The following PMEPA1 variants were observed in gnomAD, a reference collection of about 807,000 sequenced individuals.
PMEPA1 encodes the protein prostate transmembrane protein, androgen induced 1.
Under a neutral mutation model 23.0 loss-of-function variants are expected in PMEPA1, and 11 were observed. The observed-to-expected ratio is 0.48, with a 90% CI of 0.30 to 0.79. The LOEUF is 0.79. Ranked by LOEUF, PMEPA1 falls within the 30% of genes least tolerant of loss-of-function variation. PMEPA1 has a pLI of 0.06. For missense variants in PMEPA1, 377 were observed against 390.9 expected (o/e 0.96, Z 0.30); for synonymous variants, 204 against 166.4 (o/e 1.23, Z -1.74).
chr20:57,664,689 G>A (rs578059886), intron 1 of PMEPA1, among the ~76,000 whole-genome samples: 15 of 152,326 alleles, frequency 9.8e-5, no homozygotes, highest in African/African-American at 3.4e-4. Flanking sequence ...CTGCCAACGC[G>A]AGGCGGAAGG....
chr20:57,685,792 A>T (rs2071793524), intron 1 of PMEPA1, among the ~76,000 whole-genome samples: 1 of 152,120 alleles, frequency 6.6e-6, no homozygotes, highest in Non-Finnish European at 1.5e-5. Flanking sequence ...AGCACTGTTC[A>T]CTTAAAGGGG....
intron 2 of PMEPA1, 78 bp from the exon 3 acceptor site, chr20:57,653,164 C>CT: frequency 8.3e-7 from 1 of 1,203,556 alleles, no homozygotes; most frequent in Non-Finnish European, 1.2e-6. Flanking sequence ...AGATTCGACT[C>CT]TTAGGCCTTT....
chr20:57,675,727 C>T (rs1009844323), intron 1 of PMEPA1, among the ~76,000 whole-genome samples: 4 of 152,156 alleles, frequency 2.6e-5, no homozygotes, highest in African/African-American at 4.8e-5. Context: ...GGGCAGCAAA[C>T]GTGTCCAAGG....
At chr20:57,710,130 G>A, upstream of PMEPA1, 1 of 779,628 alleles carries the variant, frequency 1.3e-6, no homozygotes, top group Non-Finnish European at 1.6e-6. Flanking sequence ...CGGGGGGCGG[G>A]GTGACGGGAA....
Position 57,653,824 on chromosome 20 carries a change from G to A in PMEPA1, c.265-738C>T, listed in dbSNP as rs532061594. Among the ~76,000 whole-genome samples, 6 of 152,304 alleles carry A rather than the reference G, an allele frequency of 3.9e-5. No individual in the cohort carries two copies. In the East Asian group the frequency reaches 5.8e-4, roughly 15 times the overall value. On this transcript the variant is annotated intron_variant, in intron 2 of 3. Transcript: ENST00000341744. ...GACCAGCATCTGAAGGGCCTCTCCC[G>A]TGAACCTTGTCATCTGTTGATTCCC...
At chr20:57,707,451 G>A (rs1433052255) in intron 1 of PMEPA1, among the ~76,000 whole-genome samples, 1 of 152,150 alleles carries the variant, frequency 6.6e-6, no homozygotes, top group Non-Finnish European at 1.5e-5. Context: ...GACTAACTGG[G>A]GCACCCAGGG....
chr20:57,710,486 T>C (rs770900458), upstream of PMEPA1: 3 of 1,606,478 alleles, frequency 1.9e-6, no homozygotes, highest in South Asian at 2.2e-5. Flanking sequence ...CAGGAGACTG[T>C]CCGCCTTCAG....
chr20:57,710,629 G>A, upstream of PMEPA1: 2 of 646,366 alleles, frequency 3.1e-6, no homozygotes, highest in Non-Finnish European at 5.2e-6. Flanking sequence ...ATAGCTGTCG[G>A]GGACTGGTGT....
At chr20:57,679,506 A>G (rs1177798249) in intron 1 of PMEPA1, among the ~76,000 whole-genome samples, 1 of 152,212 alleles carries the variant, frequency 6.6e-6, no homozygotes, top group Non-Finnish European at 1.5e-5. Flanking sequence ...CTTTCAGACA[A>G]TGCGGGAGCC....
At chr20:57,662,992 G>A (rs560668871) in intron 1 of PMEPA1, among the ~76,000 whole-genome samples, 4 of 152,216 alleles carry the variant, frequency 2.6e-5, no homozygotes, top group Non-Finnish European at 2.9e-5. Context: ...TCCTGGCCCC[G>A]CCAGGCTCGG....
intron 1 of PMEPA1, among the ~76,000 whole-genome samples, chr20:57,701,857 C>T (rs1353845837): frequency 2.0e-5 from 3 of 152,154 alleles, no homozygotes; most frequent in Non-Finnish European, 4.4e-5. Context: ...ACATGAGACT[C>T]CTACCAGGTT....
chr20:57,704,182 G>A lies in PMEPA1; in HGVS notation c.109+5292C>T, dbSNP rs916726058. On this transcript the variant is annotated intron_variant, in intron 1 of 3. Coordinates refer to ENST00000341744, the MANE Select transcript of PMEPA1 (RefSeq NM_020182.5). This position sits in a 1 kb window ranked among gnomAD's most constrained non-coding sequence, Gnocchi z 4.6. ...TCTAACCATTCGGCTGCCCTGGAAC[G>A]GAAAGATCTGGCCACTCAGGGCCCA... Among the ~76,000 whole-genome samples the A allele has an allele frequency of 6.6e-6, 1 of 152,182 alleles. No homozygotes were observed. Among genetic ancestry groups the A allele is most frequent in the Non-Finnish European group, 1.5e-5 (1 of 68,036 alleles).
intron 1 of PMEPA1, among the ~76,000 whole-genome samples, chr20:57,672,568 C>T (rs559935920): frequency 2.3e-4 from 35 of 152,224 alleles, no homozygotes; most frequent in Non-Finnish European, 3.8e-4. Flanking sequence ...CGACGGGCAC[C>T]GTCTGGAGGG....
intron 1 of PMEPA1, among the ~76,000 whole-genome samples, chr20:57,688,162 G>C (rs778479740): frequency 2.9e-4 from 44 of 152,236 alleles, no homozygotes; most frequent in Non-Finnish European, 4.7e-4. Flanking sequence ...AGGCACCTGG[G>C]TGTTTCTCCC....
chr20:57,710,040 T>G (rs2072151375), upstream of PMEPA1: 14 of 998,156 alleles, frequency 1.4e-5, no homozygotes, highest in Non-Finnish European at 1.7e-5. Flanking sequence ...GGGCTGCCGG[T>G]TCCCACCGCG....
intron 1 of PMEPA1, among the ~76,000 whole-genome samples, chr20:57,675,942 C>T (rs924752185): frequency 6.6e-6 from 1 of 152,160 alleles, no homozygotes; most frequent in African/African-American, 2.4e-5. Flanking sequence ...AAGTTCTAAG[C>T]CTCCCAGACA....
At chr20:57,697,323 G>A (rs534184739) in intron 1 of PMEPA1, among the ~76,000 whole-genome samples, 4 of 152,322 alleles carry the variant, frequency 2.6e-5, no homozygotes, top group East Asian at 1.9e-4. Flanking sequence ...GTACCACCTC[G>A]GTGAGGATCT....
intron 1 of PMEPA1, among the ~76,000 whole-genome samples, chr20:57,702,722 C>G (rs577111486): frequency 6.6e-6 from 1 of 152,342 alleles, no homozygotes; most frequent in East Asian, 1.9e-4. Flanking sequence ...GTATCTTACA[C>G]TCTCTGATCC....
intron 1 of PMEPA1, among the ~76,000 whole-genome samples, chr20:57,684,786 C>A (rs1378325630): frequency 1.3e-5 from 2 of 151,664 alleles, no homozygotes; most frequent in African/African-American, 4.9e-5. Context: ...TGTAGGCATG[C>A]CACAAAACAA....
Sources: allele counts gnomAD v4.1 joint callset (sites outside exome capture counted in the v4.1 genomes callset), GRCh38; gene constraint gnomAD v4.1.1; non-coding constraint Gnocchi (gnomAD v3.1); transcripts MANE v1.5; gene names NCBI Gene and HGNC (gene_info 2026-07-23, HGNC 2026-07-21).